The following PRKN variants were observed in gnomAD, a reference collection of about 807,000 sequenced individuals.
PRKN encodes the protein parkin RBR E3 ubiquitin protein ligase.
Under a neutral mutation model 59.5 loss-of-function variants are expected in PRKN, and 56 were observed. The ratio of observed to expected loss-of-function variants is 0.94; its 90% CI spans 0.76 to 1.18. PRKN has a LOEUF of 1.18. PRKN is among the 50% of genes most tolerant of loss of function. The pLI is 0.00. For synonymous variants in PRKN, 250 were observed against 222.1 expected, an observed-to-expected ratio of 1.13 and a Z score of -1.12; for missense variants, 657 against 596.4, an observed-to-expected ratio of 1.10 and a Z score of -1.06.
In PRKN at chr6:161,362,189, T is replaced by G. The variant is rs975984705; in HGVS notation, c.1168-1984A>C. On this transcript the variant is annotated intron_variant, in intron 10 of 11. Coordinates refer to ENST00000366898, the MANE Select transcript of PRKN (RefSeq NM_004562.3). This position sits in a 1 kb window ranked among gnomAD's most constrained non-coding sequence, Gnocchi z 5.2. Reference sequence around the variant, plus strand: ...TGGCATACTGCATGTGAAGGGCAATTTCTCCCAGGTCCACACACCTAAAAA... The same window carrying G: ...TGGCATACTGCATGTGAAGGGCAATGTCTCCCAGGTCCACACACCTAAAAA... 1.3e-5 allele frequency among the ~76,000 whole-genome samples: 2 copies of G among 152,164 alleles called. No individual in the cohort carries two copies. The highest frequency in any genetic ancestry group is 4.8e-5 in the African/African-American group (2 of 41,432).
At position 161,428,187 on chromosome 6, in the gene PRKN, C is replaced by G. The variant is rs758210299; in HGVS notation, c.1084-41310G>C. ...TCCATCTCAGGGCAACATAGGGCAA[C>G]TTCTTTCTTCTACTCACATTCTGAA... On this transcript the variant is annotated intron_variant, in intron 9 of 11. Coordinates refer to ENST00000366898, the MANE Select transcript of PRKN (RefSeq NM_004562.3). This position sits in a 1 kb window ranked among gnomAD's most constrained non-coding sequence, Gnocchi z 4.0. Among the ~76,000 whole-genome samples, 9 of 152,200 alleles carry G rather than the reference C, an allele frequency of 5.9e-5. No individual in the cohort carries two copies. Among genetic ancestry groups the G allele is most frequent in the African/African-American group, 2.2e-4 (9 of 41,454 alleles).
At position 161,466,899 on chromosome 6, in the gene PRKN, G is replaced by T. The variant is rs1790502926; in HGVS notation, c.1084-80022C>A. ...AGTCACACGAAGTTAGTTAATGAGGGATTTTTATTCTTTTGTTTCTGGTGG... is the reference window on the plus strand; with the variant it reads ...AGTCACACGAAGTTAGTTAATGAGGTATTTTTATTCTTTTGTTTCTGGTGG... On this transcript the variant is annotated intron_variant, in intron 9 of 11. Coordinates refer to ENST00000366898, the MANE Select transcript of PRKN (RefSeq NM_004562.3). This position sits in a 1 kb window ranked among gnomAD's most constrained non-coding sequence, Gnocchi z 5.0. 6.6e-6 allele frequency among the ~76,000 whole-genome samples: 1 copy of T among 152,192 alleles called. No individual in the cohort carries two copies. Among genetic ancestry groups the T allele is most frequent in the Non-Finnish European group, 1.5e-5 (1 of 68,032 alleles).
chr6:162,239,355 A>G (rs1420839690), intron 3 of PRKN, among the ~76,000 whole-genome samples: 1 of 151,954 alleles, frequency 6.6e-6, no homozygotes, highest in Non-Finnish European at 1.5e-5. Context: ...ATTCCTACAA[A>G]CCTCTTTAAC....
chr6:161,594,772 T>C (rs1216544845), intron 7 of PRKN, among the ~76,000 whole-genome samples: 3 of 151,946 alleles, frequency 2.0e-5, no homozygotes, highest in Non-Finnish European at 4.4e-5. Flanking sequence ...TATTTGAAAA[T>C]GTAACTACAT....
chr6:162,200,330 T>C (rs1169393257), intron 4 of PRKN, among the ~76,000 whole-genome samples: 1 of 152,044 alleles, frequency 6.6e-6, no homozygotes, highest in Non-Finnish European at 1.5e-5. Flanking sequence ...AGCAAACCTG[T>C]TCTCTAAAGA....
At chr6:161,798,261 C>T (rs1470726616) in intron 6 of PRKN, among the ~76,000 whole-genome samples, 2 of 152,080 alleles carry the variant, frequency 1.3e-5, no homozygotes, top group Non-Finnish European at 2.9e-5. Flanking sequence ...AGGTGCAAAC[C>T]CAAGATAAAG....
intron 2 of PRKN, among the ~76,000 whole-genome samples, chr6:162,315,167 T>C (rs1464055523): frequency 6.6e-6 from 1 of 152,178 alleles, no homozygotes; most frequent in South Asian, 2.1e-4. Flanking sequence ...TGTGTATAAT[T>C]GTTCTCTGTT....
At chr6:162,694,236 CAAAAAAAAAA>C (rs149337714) in intron 1 of PRKN, among the ~76,000 whole-genome samples, 10 of 93,516 alleles carry the variant, frequency 1.1e-4, no homozygotes, top group East Asian at 3.2e-4. Flanking sequence ...AACAGTGAGA[CAAAAAAAAAA>C]AAAAAAAAAA....
At chr6:162,560,729 A>C (rs1273488133) in intron 1 of PRKN, among the ~76,000 whole-genome samples, 1 of 152,002 alleles carries the variant, frequency 6.6e-6, no homozygotes, top group Non-Finnish European at 1.5e-5. Flanking sequence ...ATGTGGCAAA[A>C]ATATCCATTG....
At chr6:161,515,526 C>A (rs1266529557) in intron 9 of PRKN, among the ~76,000 whole-genome samples, 1 of 152,148 alleles carries the variant, frequency 6.6e-6, no homozygotes, top group East Asian at 1.9e-4. Flanking sequence ...ACATTTAAAG[C>A]AGGATCATTT....
At chr6:162,419,003 A>G (rs1189996009) in intron 2 of PRKN, among the ~76,000 whole-genome samples, 2 of 151,924 alleles carry the variant, frequency 1.3e-5, no homozygotes, top group Non-Finnish European at 1.5e-5. Context: ...ACAGGTAGGC[A>G]AGGCAAAGAA....
At chr6:161,868,092 T>A (rs1794196806) in intron 6 of PRKN, among the ~76,000 whole-genome samples, 1 of 152,056 alleles carries the variant, frequency 6.6e-6, no homozygotes, top group Non-Finnish European at 1.5e-5. Flanking sequence ...CCCAATCTTT[T>A]ACTTCTAAGA....
At chr6:161,764,248 T>C (rs1789329210) in intron 7 of PRKN, among the ~76,000 whole-genome samples, 1 of 152,256 alleles carries the variant, frequency 6.6e-6, no homozygotes, top group African/African-American at 2.4e-5. Context: ...TTTTCATAAA[T>C]ATCTGAAACC....
At chr6:162,364,457 A>T (rs904575141) in intron 2 of PRKN, among the ~76,000 whole-genome samples, 10 of 152,162 alleles carry the variant, frequency 6.6e-5, no homozygotes, top group African/African-American at 2.4e-4. Flanking sequence ...CTGGGAGTAA[A>T]ATGTCCCCCA....
intron 6 of PRKN, among the ~76,000 whole-genome samples, chr6:161,887,726 G>A (rs1795206147): frequency 6.6e-6 from 1 of 152,166 alleles, no homozygotes; most frequent in Non-Finnish European, 1.5e-5. Context: ...ACTTGGACTT[G>A]TGTAGAGCTT....
At position 162,351,822 on chromosome 6, in the gene PRKN, TTG is replaced by T. The variant is rs1363870583; in HGVS notation, c.172-89059_172-89058del. 3.9e-5 allele frequency among the ~76,000 whole-genome samples: 6 copies of T among 152,140 alleles called. No homozygotes were observed. The East Asian group carries it at 1.2e-3, about 29-fold the overall frequency. On this transcript the variant is annotated intron_variant, in intron 2 of 11. Coordinates refer to ENST00000366898, the MANE Select transcript of PRKN (RefSeq NM_004562.3). Reference sequence around the variant, plus strand: ...TCAAAATGTATATACCCTGAGGTTTTTGTGTGTGTTTGTGTGTGTGTGTGTAT... The same window carrying T: ...TCAAAATGTATATACCCTGAGGTTTTTGTGTGTTTGTGTGTGTGTGTGTAT...
At chr6:162,286,406 T>G (rs779293377) in intron 2 of PRKN, among the ~76,000 whole-genome samples, 2 of 152,194 alleles carry the variant, frequency 1.3e-5, no homozygotes, top group Non-Finnish European at 2.9e-5. Flanking sequence ...TCCTTCCTGA[T>G]AGTATGTAGG....
In PRKN at chr6:162,702,941, G is replaced by A. The variant is rs535948591; in HGVS notation, c.7+24721C>T. ...ATTGATTTAACCATAAAGGAATACC[G>A]AAAGCCAGTTTTTAAAGTTATTTAG... On this transcript the variant is annotated intron_variant, in intron 1 of 11. Transcript: ENST00000366898. 2.8e-4 allele frequency among the ~76,000 whole-genome samples: 43 copies of A among 152,174 alleles called. No individual in the cohort carries two copies. In the South Asian group the frequency reaches 8.5e-3, roughly 30 times the overall value.
chr6:162,197,308 G>C (rs369685117), intron 4 of PRKN, among the ~76,000 whole-genome samples: 1 of 152,258 alleles, frequency 6.6e-6, no homozygotes, highest in East Asian at 1.9e-4. Context: ...AATATTATTT[G>C]TAGGTGTTAC....
Sources: allele counts gnomAD v4.1 joint callset (sites outside exome capture counted in the v4.1 genomes callset), GRCh38; gene constraint gnomAD v4.1.1; non-coding constraint Gnocchi (gnomAD v3.1); transcripts MANE v1.5; gene names NCBI Gene and HGNC (gene_info 2026-07-23, HGNC 2026-07-21).